Variants in ABI3BP observed in about 807,000 individuals in gnomAD.
ABI3BP encodes ABI family member 3 binding protein, also known as target of Nesh-SH3.
A neutral mutation model predicts 268.6 loss-of-function variants in ABI3BP; 216 were observed. That is an observed-to-expected ratio of 0.80 (90% CI 0.72 to 0.90). The LOEUF (loss-of-function observed/expected upper bound fraction) is 0.90, where lower values mean the gene tolerates loss of function less well. ABI3BP is among the 40% of genes least tolerant of loss of function. The pLI, the probability that ABI3BP is intolerant of heterozygous loss-of-function variation, is 0.00. For missense variants in ABI3BP, 2,090 were observed against 2,182.4 expected, an observed-to-expected ratio of 0.96 and a Z score of 0.84; for synonymous variants, 730 against 730.0, an observed-to-expected ratio of 1.00 and a Z score of 0.00.
At chr3:100,911,916 A>G in intron 2 of ABI3BP, 1 of 1,331,526 alleles carries the variant, frequency 7.5e-7, no homozygotes, top group Non-Finnish European at 1.1e-6. Context: ...ATTCTTTTTG[A>G]CATTGGAGAA....
chr3:100,833,197 T>C (rs1211603216), intron 29 of ABI3BP, 40 bp from the exon 30 acceptor site: 3 of 1,508,236 alleles, frequency 2.0e-6, no homozygotes, highest in Non-Finnish European at 1.8e-6. Flanking sequence ...TAAAAAGAAA[T>C]AAATGTTAAA....
intron 1 of ABI3BP, among the ~76,000 whole-genome samples, chr3:100,953,557 AG>A (rs904638656): frequency 1.3e-5 from 2 of 152,186 alleles, no homozygotes; most frequent in African/African-American, 2.4e-5. Flanking sequence ...AAAGAAAATA[AG>A]GATTTTTCTG....
chr3:100,825,236 G>A (rs2152725274), intron 35 of ABI3BP, among the ~76,000 whole-genome samples: 1 of 152,252 alleles, frequency 6.6e-6, no homozygotes, highest in South Asian at 2.1e-4. Context: ...AGTACTCAAT[G>A]AGAAGGGATA....
intron 1 of ABI3BP, among the ~76,000 whole-genome samples, chr3:100,991,911 T>C (rs1383178847): frequency 6.6e-6 from 1 of 152,178 alleles, no homozygotes; most frequent in African/African-American, 2.4e-5. Flanking sequence ...ATCATCCCTA[T>C]GCAATGAATA....
At chr3:100,972,789 G>A (rs983703259) in intron 1 of ABI3BP, among the ~76,000 whole-genome samples, 3 of 152,152 alleles carry the variant, frequency 2.0e-5, no homozygotes, top group Non-Finnish European at 4.4e-5. Flanking sequence ...TAACAGCCAA[G>A]CTTCATTATT....
intron 56 of ABI3BP, among the ~76,000 whole-genome samples, chr3:100,788,373 T>C (rs761296356): frequency 2.0e-5 from 3 of 152,110 alleles, no homozygotes; most frequent in Non-Finnish European, 4.4e-5. Context: ...TGATCTATTT[T>C]ATAACCCATT....
Position 100,978,411 on chromosome 3 carries a change from A to G in ABI3BP, c.79+14895T>C, listed in dbSNP as rs1576229489. 1.3e-5 allele frequency among the ~76,000 whole-genome samples: 2 copies of G among 152,212 alleles called. 1 individual carries two copies. The highest frequency in any genetic ancestry group is 4.1e-4 in the South Asian group (2 of 4,834). On this transcript the variant is annotated intron_variant, in intron 1 of 67. Transcript: ENST00000471714. ...TTCTTGAATTTGGGTTACAGTTAAC[A>G]TATGCCTCTGGTTAATATTAGGCAT... is the stretch of plus-strand genomic sequence containing the variant.
chr3:100,972,680 T>C (rs1219857122), intron 1 of ABI3BP, among the ~76,000 whole-genome samples: 4 of 152,204 alleles, frequency 2.6e-5, no homozygotes, highest in Non-Finnish European at 1.5e-5. Context: ...TCTTAGCCCC[T>C]GGCTGGGGAA....
chr3:100,904,007 C>A (rs115847611), intron 2 of ABI3BP, among the ~76,000 whole-genome samples: 10 of 152,192 alleles, frequency 6.6e-5, no homozygotes, highest in Non-Finnish European at 1.5e-5. Context: ...GGACCCAAAT[C>A]AAATCAACAA....
At chr3:100,939,386 A>G (rs149267378) in intron 1 of ABI3BP, among the ~76,000 whole-genome samples, 2 of 84,134 alleles carry the variant, frequency 2.4e-5, no homozygotes, top group African/African-American at 7.1e-5. Context: ...ACCTGCCCCA[A>G]TAGTCATGTA....
intron 14 of ABI3BP, among the ~76,000 whole-genome samples, chr3:100,856,237 T>G (rs1309589364): frequency 2.6e-5 from 4 of 152,182 alleles, no homozygotes; most frequent in Admixed American, 6.5e-5. Flanking sequence ...CTGCCAAAAC[T>G]TTCTAACCAA....
chr3:100,794,744 T>C (rs1207852858), intron 54 of ABI3BP, among the ~76,000 whole-genome samples, 179 bp downstream of exon 54: 2 of 152,030 alleles, frequency 1.3e-5, no homozygotes, highest in Admixed American at 6.6e-5. Flanking sequence ...TCATTTTATA[T>C]TGAAAATCAG....
At chr3:100,803,971 A>G (rs1202003597) in intron 51 of ABI3BP, among the ~76,000 whole-genome samples, 1 of 152,184 alleles carries the variant, frequency 6.6e-6, no homozygotes, top group Non-Finnish European at 1.5e-5. Context: ...ATAGCTTAGA[A>G]ATTCTTTGGC....
At chr3:100,893,121 C>G (rs2045558112) in intron 4 of ABI3BP, among the ~76,000 whole-genome samples, 1 of 152,214 alleles carries the variant, frequency 6.6e-6, no homozygotes, top group African/African-American at 2.4e-5. Context: ...AGTCTTCTAG[C>G]TTCCATCTTT....
chr3:100,904,143 A>C (rs2051951114), intron 2 of ABI3BP, among the ~76,000 whole-genome samples: 2 of 152,086 alleles, frequency 1.3e-5, no homozygotes, highest in Non-Finnish European at 2.9e-5. Flanking sequence ...TCATAACTTC[A>C]TTACTCCCTC....
chr3:100,969,988 G>C (rs1363420715), intron 1 of ABI3BP, among the ~76,000 whole-genome samples: 1 of 152,164 alleles, frequency 6.6e-6, no homozygotes, highest in Non-Finnish European at 1.5e-5. Context: ...AGGAGTTACA[G>C]CATTTCTTTC....
intron 6 of ABI3BP, among the ~76,000 whole-genome samples, chr3:100,877,856 A>C (rs370096038): frequency 6.6e-6 from 1 of 152,224 alleles, no homozygotes; most frequent in African/African-American, 2.4e-5. Flanking sequence ...ACAAGGGCAA[A>C]CACCTGGTAG....
intron 2 of ABI3BP, among the ~76,000 whole-genome samples, chr3:100,913,053 A>G (rs539062067): frequency 1.6e-4 from 25 of 152,326 alleles, no homozygotes; most frequent in African/African-American, 5.5e-4. Flanking sequence ...TAAAAAGAGT[A>G]GAATGCTGTT....
intron 9 of ABI3BP, among the ~76,000 whole-genome samples, chr3:100,874,522 C>A (rs1285807744): frequency 6.6e-6 from 1 of 151,988 alleles, no homozygotes; most frequent in Non-Finnish European, 1.5e-5. Context: ...TACCTAGTCG[C>A]CCCATAATAG....
Sources: gnomAD v4.1 joint callset for allele counts (sites outside exome capture counted in the v4.1 genomes callset) on GRCh38, gnomAD v4.1.1 for gene constraint, MANE v1.5 for transcripts, NCBI Gene and HGNC (gene_info 2026-07-23, HGNC 2026-07-21) for gene names.